AFF3: variants seen among roughly 807,000 people sequenced by gnomAD.
The protein encoded by AFF3 is AF4/FMR2 family member 3.
Under a neutral mutation model 129.7 loss-of-function variants are expected in AFF3, and 32 were observed. The ratio of observed to expected loss-of-function variants is 0.25; its 90% CI spans 0.19 to 0.33. The LOEUF (loss-of-function observed/expected upper bound fraction) is 0.33, where lower values mean the gene tolerates loss of function less well. Among genes scored for constraint, AFF3 ranks in the 10% least tolerant of loss-of-function variants. The pLI is 1.00. For missense variants in AFF3, 1,373 were observed against 1,592.0 expected, an observed-to-expected ratio of 0.86 and a Z score of 2.34; for synonymous variants, 644 against 635.4, an observed-to-expected ratio of 1.01 and a Z score of -0.20.
At chr2:100,108,243 C>T (rs558091031) in intron 2 of AFF3, among the ~76,000 whole-genome samples, 2 of 152,240 alleles carry the variant, frequency 1.3e-5, no homozygotes, top group East Asian at 3.9e-4. Flanking sequence ...TATGTTGAAC[C>T]CCAGGACAGC....
intron 7 of AFF3, among the ~76,000 whole-genome samples, chr2:99,985,961 G>A (rs2104545390): frequency 6.6e-6 from 1 of 152,216 alleles, no homozygotes; most frequent in South Asian, 2.1e-4. Context: ...AGCACTTTGG[G>A]AGGCCGAGGT....
chr2:99,639,981 C>T (rs1375199465), intron 13 of AFF3, among the ~76,000 whole-genome samples: 1 of 152,090 alleles, frequency 6.6e-6, no homozygotes, highest in African/African-American at 2.4e-5. Flanking sequence ...CTGCACCCGG[C>T]CCAGGATGAC....
chr2:99,791,266 G>C (rs1276486910), intron 8 of AFF3, among the ~76,000 whole-genome samples: 1 of 152,140 alleles, frequency 6.6e-6, no homozygotes, highest in African/African-American at 2.4e-5. Flanking sequence ...TTGGTTCTAG[G>C]ACCCCTGTGG....
chr2:99,836,409 T>C (rs1217125288), intron 8 of AFF3, among the ~76,000 whole-genome samples: 1 of 152,180 alleles, frequency 6.6e-6, no homozygotes, highest in Non-Finnish European at 1.5e-5. Context: ...TTATTTAACA[T>C]ATACTTATAT....
intron 14 of AFF3, among the ~76,000 whole-genome samples, chr2:99,599,821 G>A (rs1238486943): frequency 1.3e-5 from 2 of 152,128 alleles, no homozygotes; most frequent in Non-Finnish European, 2.9e-5. Flanking sequence ...AGGCTTTAAA[G>A]AAGCCTGCTT....
intron 20 of AFF3, among the ~76,000 whole-genome samples, chr2:99,563,692 C>T (rs1675696339): frequency 1.3e-5 from 2 of 150,940 alleles, no homozygotes; most frequent in South Asian, 2.1e-4. Context: ...TGCCTGTAAT[C>T]CGAGCTACTG....
chr2:99,708,919 A>G (rs921818346), intron 11 of AFF3, among the ~76,000 whole-genome samples: 4 of 152,256 alleles, frequency 2.6e-5, no homozygotes, highest in Admixed American at 6.5e-5. Flanking sequence ...GAAGTTTAAT[A>G]GCTGAAATGG....
At chr2:99,647,874 G>A (rs1431758675) in intron 13 of AFF3, among the ~76,000 whole-genome samples, 2 of 152,124 alleles carry the variant, frequency 1.3e-5, no homozygotes, top group African/African-American at 4.8e-5. Flanking sequence ...TGGGGAATGG[G>A]CTTGACAAGG....
intron 7 of AFF3, among the ~76,000 whole-genome samples, chr2:100,002,133 C>G (rs924262945): frequency 1.3e-5 from 2 of 152,214 alleles, no homozygotes; most frequent in African/African-American, 4.8e-5. Context: ...CAGGAGCAAT[C>G]AGATAGCAAA....
chr2:99,875,557 A>G (rs1386188180), intron 7 of AFF3, among the ~76,000 whole-genome samples: 1 of 152,202 alleles, frequency 6.6e-6, no homozygotes, highest in African/African-American at 2.4e-5. Flanking sequence ...GGCACGCACT[A>G]GATATCTGTT....
intron 8 of AFF3, among the ~76,000 whole-genome samples, chr2:99,832,486 A>C (rs1470444557): frequency 6.6e-6 from 1 of 152,180 alleles, no homozygotes; most frequent in Non-Finnish European, 1.5e-5. Context: ...GCCCTGCAAC[A>C]TAGTGGCAAG....
chr2:99,745,282 C>G (rs6739601), intron 9 of AFF3, among the ~76,000 whole-genome samples: 112,147 of 152,096 alleles, frequency 0.74, 42,198 homozygotes, highest in East Asian at 0.92. Flanking sequence ...ACTGTTACCA[C>G]ATTTATGATT....
intron 13 of AFF3, among the ~76,000 whole-genome samples, chr2:99,606,482 C>T (rs762596015): frequency 6.6e-6 from 1 of 151,434 alleles, no homozygotes; most frequent in Non-Finnish European, 1.5e-5. Flanking sequence ...GTGCCTGGCA[C>T]ATAATAAGCG....
At chr2:100,001,575 T>C (rs943017116) in intron 7 of AFF3, among the ~76,000 whole-genome samples, 1 of 152,248 alleles carries the variant, frequency 6.6e-6, no homozygotes, top group Non-Finnish European at 1.5e-5. Context: ...ATTACAGGCA[T>C]GCGCCACCAC....
At chr2:99,896,897 AG>A (rs1236901235) in intron 7 of AFF3, among the ~76,000 whole-genome samples, 2 of 151,880 alleles carry the variant, frequency 1.3e-5, no homozygotes, top group Non-Finnish European at 2.9e-5. Context: ...GGCCTCCCAA[AG>A]TGCTGGGATT....
intron 11 of AFF3, among the ~76,000 whole-genome samples, chr2:99,696,885 A>T (rs1433584457): frequency 6.6e-6 from 1 of 152,106 alleles, no homozygotes; most frequent in African/African-American, 2.4e-5. Context: ...GCTTCAAGTG[A>T]TCCTGCTACC....
intron 7 of AFF3, among the ~76,000 whole-genome samples, chr2:99,848,633 T>C (rs1162691374): frequency 6.6e-6 from 1 of 152,230 alleles, no homozygotes; most frequent in African/African-American, 2.4e-5. Context: ...AAGATGATGT[T>C]GGAACAATCT....
intron 16 of AFF3, 97 bp from the exon 17 acceptor site, chr2:99,583,096 G>C: frequency 9.5e-7 from 1 of 1,050,420 alleles, no homozygotes. Flanking sequence ...GGGACCTGTT[G>C]GTAGGAGAAG....
intron 2 of AFF3, among the ~76,000 whole-genome samples, chr2:100,111,401 T>C (rs1476924378): frequency 3.3e-5 from 5 of 152,274 alleles, no homozygotes; most frequent in Admixed American, 2.0e-4. Flanking sequence ...TTCACTCCAA[T>C]TGTAAGCAAG....
Sources: gnomAD v4.1 joint callset for allele counts (sites outside exome capture counted in the v4.1 genomes callset) on GRCh38, gnomAD v4.1.1 for gene constraint, MANE v1.5 for transcripts, NCBI Gene and HGNC (gene_info 2026-07-23, HGNC 2026-07-21) for gene names.